The following PTPRF variants were observed in gnomAD, a reference collection of about 807,000 sequenced individuals.
PTPRF encodes receptor-type tyrosine-protein phosphatase F.
A neutral mutation model predicts 201.8 loss-of-function variants in PTPRF; 59 were observed. The ratio of observed to expected loss-of-function variants is 0.29; its 90% confidence interval spans 0.24 to 0.36. The LOEUF is 0.36. Among genes scored for constraint, PTPRF ranks in the 10% least tolerant of loss-of-function variants. PTPRF has a pLI of 1.00. For missense variants in PTPRF, 2,132 were observed against 2,690.5 expected (o/e 0.79, Z 4.59); for synonymous variants, 1,088 against 1,089.7 (o/e 1.00, Z 0.03).
chr1:43,573,980 T>C (rs1424367164), intron 6 of PTPRF, among the ~76,000 whole-genome samples: 2 of 9,890 alleles, frequency 2.0e-4, no homozygotes, highest in South Asian at 3.4e-3. Flanking sequence ...GTGGGTTCTT[T>C]TTTTTTTTTT....
intron 11 of PTPRF, among the ~76,000 whole-genome samples, chr1:43,595,920 G>A (rs747296221): frequency 1.3e-5 from 2 of 152,108 alleles, no homozygotes; most frequent in Non-Finnish European, 2.9e-5. Context: ...CAGGCAGGGG[G>A]CAGAAACAGG....
intron 22 of PTPRF, among the ~76,000 whole-genome samples, chr1:43,612,281 G>T (rs543116070): frequency 6.6e-6 from 1 of 152,174 alleles, no homozygotes; most frequent in Non-Finnish European, 1.5e-5. Flanking sequence ...CGTGGCAAGT[G>T]GGGGCTGAGA....
chr1:43,523,736 C>G (rs2153942266), upstream of PTPRF, among the ~76,000 whole-genome samples: 2 of 152,206 alleles, frequency 1.3e-5, no homozygotes, highest in East Asian at 3.9e-4. Context: ...TAATGGCAAA[C>G]AGAACACTCT....
chr1:43,616,670 C>A (rs967297648), intron 23 of PTPRF, among the ~76,000 whole-genome samples: 3 of 152,070 alleles, frequency 2.0e-5, no homozygotes, highest in Admixed American at 1.3e-4. Context: ...GTAGTCCCAG[C>A]AGCAGCGCCA....
At chr1:43,550,273 CT>C (rs1183378763) in intron 3 of PTPRF, among the ~76,000 whole-genome samples, 2 of 152,224 alleles carry the variant, frequency 1.3e-5, no homozygotes, top group Non-Finnish European at 2.9e-5. Context: ...GGCCCTCCTC[CT>C]TCCAGGCCGC....
intron 13 of PTPRF, among the ~76,000 whole-genome samples, chr1:43,601,354 A>C (rs1653695150): frequency 6.6e-6 from 1 of 152,174 alleles, no homozygotes; most frequent in African/African-American, 2.4e-5. Flanking sequence ...TTCCTACCTT[A>C]ATCCTCAGAC....
chr1:43,556,499 C>G (rs545864629), intron 5 of PTPRF, among the ~76,000 whole-genome samples: 7 of 152,186 alleles, frequency 4.6e-5, no homozygotes, highest in African/African-American at 1.7e-4. Flanking sequence ...TGACCTCGCC[C>G]GCCTTGGCCT....
chr1:43,570,695 C>T (rs1404252395), intron 6 of PTPRF, among the ~76,000 whole-genome samples: 1 of 152,248 alleles, frequency 6.6e-6, no homozygotes, highest in Non-Finnish European at 1.5e-5. Flanking sequence ...ACCAGCCTCA[C>T]AGCCCCTTGG....
At chr1:43,592,673 T>C in intron 11 of PTPRF, 72 bp downstream of exon 11, 1 of 1,435,512 alleles carries the variant, frequency 7.0e-7, no homozygotes, top group East Asian at 2.6e-5. Context: ...ACACACATCC[T>C]TCCCCCTCGA....
intron 5 of PTPRF, among the ~76,000 whole-genome samples, chr1:43,556,969 T>C (rs369712184): frequency 6.6e-6 from 1 of 152,260 alleles, no homozygotes; most frequent in East Asian, 1.9e-4. Context: ...CACTGATTGC[T>C]GAGTGTTCTC....
Position 43,546,335 on chromosome 1 carries a change from T to G in PTPRF, c.91+1169T>G, listed in dbSNP as rs563991289. On this transcript the variant is annotated intron_variant, in intron 3 of 33. Transcript: ENST00000359947. The surrounding 1 kb of genome is among the most constrained non-coding windows in gnomAD (Gnocchi z 4.2). ...TCCCAAGGGGTGGGGCAAAGGGTCA[T>G]GGGAGCACCAGGTACCAAAGAGAGG... Among the ~76,000 whole-genome samples, 3 of 151,868 alleles carry G rather than the reference T, an allele frequency of 2.0e-5. No homozygotes were observed. In the South Asian group the frequency reaches 6.3e-4, roughly 32 times the overall value.
At chr1:43,581,022 C>T (rs984845055) in intron 7 of PTPRF, among the ~76,000 whole-genome samples, 13 of 152,232 alleles carry the variant, frequency 8.5e-5, no homozygotes, top group African/African-American at 3.1e-4. Context: ...TTACACTGGC[C>T]CCAGCCCTGG....
intron 22 of PTPRF, 55 bp from the exon 23 acceptor site, chr1:43,613,563 C>A: frequency 6.9e-7 from 1 of 1,439,636 alleles, no homozygotes; most frequent in Non-Finnish European, 9.8e-7. Context: ...GCTTTCTCTG[C>A]CACACTGCTC....
intron 5 of PTPRF, among the ~76,000 whole-genome samples, chr1:43,567,399 G>A (rs1324891260): frequency 2.0e-5 from 3 of 152,224 alleles, no homozygotes; most frequent in Non-Finnish European, 4.4e-5. Flanking sequence ...AAAGGGCACT[G>A]TGGGATCATA....
At chr1:43,564,901 C>T (rs756013524) in intron 5 of PTPRF, among the ~76,000 whole-genome samples, 12 of 152,280 alleles carry the variant, frequency 7.9e-5, no homozygotes, top group Non-Finnish European at 1.3e-4. Flanking sequence ...CAGAGACTCA[C>T]CCTCAGGCGT....
intron 21 of PTPRF, among the ~76,000 whole-genome samples, chr1:43,607,416 G>A (rs2154027126): frequency 6.6e-6 from 1 of 152,258 alleles, no homozygotes; most frequent in East Asian, 1.9e-4. Context: ...CACAGGCCAT[G>A]GATGCTCACT....
upstream of PTPRF, among the ~76,000 whole-genome samples, chr1:43,529,207 C>A (rs1570820536): frequency 6.6e-6 from 1 of 152,134 alleles, no homozygotes; most frequent in Non-Finnish European, 1.5e-5. Context: ...GGTGAAAAAC[C>A]ACTCACTGGA....
At chr1:43,533,634 A>T (rs1350349856) in intron 1 of PTPRF, among the ~76,000 whole-genome samples, 2 of 152,030 alleles carry the variant, frequency 1.3e-5, no homozygotes, top group Non-Finnish European at 2.9e-5. Context: ...AGCTAATCCA[A>T]CCCGGACTGG....
intron 7 of PTPRF, among the ~76,000 whole-genome samples, chr1:43,587,811 T>C (rs766702106): frequency 6.6e-6 from 1 of 152,138 alleles, no homozygotes; most frequent in African/African-American, 2.4e-5. Flanking sequence ...TTTCATCACC[T>C]CCCTTCCCTC....
Sources: allele counts gnomAD v4.1 joint callset (sites outside exome capture counted in the v4.1 genomes callset), GRCh38; gene constraint gnomAD v4.1.1; non-coding constraint Gnocchi (gnomAD v3.1); transcripts MANE v1.5; gene names NCBI Gene and HGNC (gene_info 2026-07-23, HGNC 2026-07-21).